Variants in DTNBP1 observed in about 807,000 individuals in gnomAD.
DTNBP1 encodes the protein dysbindin.
A neutral mutation model predicts 42.8 loss-of-function variants in DTNBP1; 35 were observed. That is an observed-to-expected ratio of 0.82 (90% CI 0.63 to 1.09). The LOEUF is 1.09. Ranked by LOEUF, DTNBP1 falls within the 50% of genes least tolerant of loss-of-function variation. The pLI, the probability that DTNBP1 is intolerant of heterozygous loss-of-function variation, is 0.00. For synonymous variants in DTNBP1, 171 were observed against 162.2 expected (o/e 1.05, Z -0.41); for missense variants, 457 against 424.2 (o/e 1.08, Z -0.68).
At chr6:15,607,422 C>T (rs1307409331) in intron 6 of DTNBP1, among the ~76,000 whole-genome samples, 2 of 152,252 alleles carry the variant, frequency 1.3e-5, no homozygotes, top group Non-Finnish European at 2.9e-5. Context: ...CTGCCTCAGC[C>T]TCCCAAGTAG....
In DTNBP1 at chr6:15,589,782, T is replaced by C. The variant is rs546204834; in HGVS notation, c.511+3277A>G. On this transcript the variant is annotated intron_variant, in intron 7 of 9. Transcript: ENST00000344537. ...CCTATCTGGATACCACTTCTTTCCA[T>C]TTTCTTTGGTATCATAATGACTCCT... is the stretch of plus-strand genomic sequence containing the variant. 1.1e-4 allele frequency among the ~76,000 whole-genome samples: 16 copies of C among 152,286 alleles called. 1 individual carries two copies. The highest frequency in any genetic ancestry group is 3.4e-4 in the African/African-American group (14 of 41,546).
At chr6:15,573,658 C>A (rs926741499) in intron 7 of DTNBP1, among the ~76,000 whole-genome samples, 3 of 151,728 alleles carry the variant, frequency 2.0e-5, no homozygotes, top group African/African-American at 7.3e-5. Flanking sequence ...AAAAAAAAAA[C>A]AAACAAAAGG....
chr6:15,599,236 G>A (rs886068267), intron 6 of DTNBP1, among the ~76,000 whole-genome samples: 1 of 152,156 alleles, frequency 6.6e-6, no homozygotes, highest in Non-Finnish European at 1.5e-5. Flanking sequence ...AGGGGTAAGG[G>A]ATATTTATTG....
chr6:15,631,674 T>C (rs552038379), intron 4 of DTNBP1, among the ~76,000 whole-genome samples: 10 of 152,314 alleles, frequency 6.6e-5, no homozygotes, highest in African/African-American at 2.2e-4. Context: ...CACAAATGAA[T>C]TGCAGATGTG....
chr6:15,533,331 C>T lies in DTNBP1; in HGVS notation c.576G>A (p.Leu192=). The T allele has an allele frequency of 6.2e-7, 1 of 1,614,242 alleles. No homozygotes were observed. Among genetic ancestry groups the T allele is most frequent in the Non-Finnish European group, 8.5e-7 (1 of 1,180,046 alleles). The part of the protein sequence containing the change: ...LEMEHTQQMK[L]KERQKFFEEA... ...CCTCAAAAAACTTCTGCCGCTCCTT[C>T]AGCTTCATTTGCTGGGTGTGCTCCA... The change falls in exon 8 of 10, where the codon CTG becomes CTA. Residue 192 remains leucine (L), a synonymous_variant. Coordinates refer to ENST00000344537, the MANE Select transcript of DTNBP1 (RefSeq NM_032122.5).
chr6:15,646,438 T>C (rs1356091121), intron 3 of DTNBP1, among the ~76,000 whole-genome samples: 2 of 151,682 alleles, frequency 1.3e-5, no homozygotes, highest in African/African-American at 4.8e-5. Flanking sequence ...AATAACCACA[T>C]TGCCCAAAGC....
intron 4 of DTNBP1, among the ~76,000 whole-genome samples, chr6:15,633,607 C>T (rs1759819776): frequency 1.3e-5 from 2 of 152,136 alleles, no homozygotes; most frequent in South Asian, 2.1e-4. Flanking sequence ...TGATTGACTC[C>T]AATTTTGAAA....
intron 7 of DTNBP1, among the ~76,000 whole-genome samples, chr6:15,577,512 G>C (rs1775633279): frequency 6.6e-6 from 1 of 152,240 alleles, no homozygotes; most frequent in Non-Finnish European, 1.5e-5. Context: ...TAAGGCAAGA[G>C]AGGACTCATG....
rs181057761 is a variant in DTNBP1 at position 15,660,210 on chromosome 6, G to A, written c.56+2604C>T. Among the ~76,000 whole-genome samples the A allele has an allele frequency of 1.3e-4, 20 of 152,178 alleles. No individual in the cohort carries two copies. The East Asian group carries it at 1.4e-3, about 10-fold the overall frequency. Reference sequence around the variant, plus strand: ...TTTCTTTTTTAGTGATGCAGCTCACGTCTCTTTCATCTTTGAATTCCACAT... The same window carrying A: ...TTTCTTTTTTAGTGATGCAGCTCACATCTCTTTCATCTTTGAATTCCACAT... On this transcript the variant is annotated intron_variant, in intron 1 of 9. Transcript: ENST00000344537.
chr6:15,627,119 T>C (rs1759390710), intron 5 of DTNBP1, among the ~76,000 whole-genome samples: 3 of 152,178 alleles, frequency 2.0e-5, no homozygotes, highest in Admixed American at 2.0e-4. Flanking sequence ...ATAATTATAA[T>C]TATGTGTCCG....
intron 7 of DTNBP1, among the ~76,000 whole-genome samples, chr6:15,544,182 T>C (rs935675512): frequency 2.0e-5 from 3 of 152,208 alleles, no homozygotes; most frequent in African/African-American, 7.2e-5. Flanking sequence ...TATATATCCT[T>C]CTGAGACTCG....
chr6:15,566,080 C>T (rs11752598), intron 7 of DTNBP1, among the ~76,000 whole-genome samples: 23,319 of 151,846 alleles, frequency 0.15, 2,637 homozygotes, highest in African/African-American at 0.31. Context: ...TTTGGGAGGC[C>T]GAGGCGGGCG....
rs2008850958 is a variant in DTNBP1, at chr6:15,637,430, A to T, written c.222+314T>A. On this transcript the variant is annotated intron_variant, in intron 4 of 9. Transcript: ENST00000344537. ...GATGTCTTATATAGGGTATAAAGAG[A>T]TGTCTTATAATTTACATATATTGCA... 3.9e-5 allele frequency among the ~76,000 whole-genome samples: 6 copies of T among 152,214 alleles called. 1 individual carries two copies. Among genetic ancestry groups the T allele is most frequent in the Admixed American group, 3.9e-4 (6 of 15,278 alleles).
At chr6:15,543,073 A>C (rs1773671381) in intron 7 of DTNBP1, among the ~76,000 whole-genome samples, 1 of 152,166 alleles carries the variant, frequency 6.6e-6, no homozygotes, top group Non-Finnish European at 1.5e-5. Context: ...AGCCATAAAA[A>C]ATTATTTATT....
chr6:15,596,870 C>T (rs552960458), intron 6 of DTNBP1, among the ~76,000 whole-genome samples: 2 of 152,302 alleles, frequency 1.3e-5, no homozygotes, highest in East Asian at 1.9e-4. Flanking sequence ...AATGGCATTA[C>T]CCGGCTCCTC....
intron 6 of DTNBP1, among the ~76,000 whole-genome samples, chr6:15,600,069 C>T (rs1776669709): frequency 1.3e-5 from 2 of 151,924 alleles, no homozygotes; most frequent in Admixed American, 6.6e-5. Context: ...CTCATGCATC[C>T]CACATACAAA....
intron 3 of DTNBP1, among the ~76,000 whole-genome samples, chr6:15,639,622 G>A (rs1172420186): frequency 6.6e-6 from 1 of 152,114 alleles, no homozygotes; most frequent in Non-Finnish European, 1.5e-5. Flanking sequence ...AAATTTTCTT[G>A]GATGTATCAG....
At chr6:15,592,420 T>C (rs569031253) in intron 7 of DTNBP1, among the ~76,000 whole-genome samples, 3 of 152,278 alleles carry the variant, frequency 2.0e-5, no homozygotes, top group Admixed American at 2.0e-4. Flanking sequence ...GCTGGAAAGT[T>C]TGTGTTTTTT....
At chr6:15,620,860 AAG>A (rs752463450) in intron 5 of DTNBP1, among the ~76,000 whole-genome samples, 1 of 152,328 alleles carries the variant, frequency 6.6e-6, no homozygotes, top group Non-Finnish European at 1.5e-5. Flanking sequence ...CTCGTCTGTG[AAG>A]AGAGAGCTAA....
Sources: gnomAD v4.1 joint callset for allele counts (sites outside exome capture counted in the v4.1 genomes callset) on GRCh38, gnomAD v4.1.1 for gene constraint, MANE v1.5 for transcripts, NCBI Gene and HGNC (gene_info 2026-07-23, HGNC 2026-07-21) for gene names.